Variants in LIMS2 observed in about 807,000 individuals in gnomAD.
The protein encoded by LIMS2 is LIM zinc finger domain containing 2.
In LIMS2, 30 loss-of-function variants were observed where a neutral mutation model predicts 45.3. The observed-to-expected ratio is 0.66, with a 90% CI of 0.50 to 0.90. The LOEUF is 0.90. LIMS2 is among the 40% of genes least tolerant of loss of function. LIMS2 has a pLI of 0.00. For missense variants in LIMS2, 485 were observed against 468.7 expected (o/e 1.03, Z -0.32); for synonymous variants, 173 against 188.0 (o/e 0.92, Z 0.65).
intron 1 of LIMS2, among the ~76,000 whole-genome samples, chr2:127,666,831 T>C (rs1292423404): frequency 1.3e-5 from 2 of 152,102 alleles, no homozygotes; most frequent in African/African-American, 2.4e-5. Flanking sequence ...GAGCCCCTTA[T>C]AAAACCAGCA....
chr2:127,649,021 A>AAG, intron 4 of LIMS2, among the ~76,000 whole-genome samples: 1 of 67,364 alleles, frequency 1.5e-5, no homozygotes, highest in East Asian at 3.5e-4. Flanking sequence ...GGAGGGAGGG[A>AAG]GGAAAGAAAG....
At position 127,675,097 on chromosome 2, in the gene LIMS2, G is replaced by T; in HGVS notation, c.-73C>A. The T allele has an allele frequency of 3.3e-6, 4 of 1,215,580 alleles. No individual in the cohort carries two copies. The highest frequency in any genetic ancestry group is 3.1e-6 in the Non-Finnish European group (3 of 973,566). 75.3% of individuals were successfully genotyped at this position (1,215,580 alleles called of 1,614,324 possible). On this transcript the variant is annotated 5_prime_UTR_variant, in exon 1 of 10. Transcript: ENST00000355119. ...CCCTCTGCTGCTGCAGCCGCCAGCC[G>T]AGCGCCCGCCCGCCAGCCCGGGCCG...
At chr2:127,650,315 G>A (rs183188404) in intron 4 of LIMS2, 54 of 565,096 alleles carry the variant, frequency 9.6e-5, no homozygotes, top group African/African-American at 3.6e-4. Context: ...CACTGCCCCC[G>A]CCCCTCACCA....
chr2:127,660,915 G>A (rs372189364), intron 1 of LIMS2, among the ~76,000 whole-genome samples: 1 of 136,200 alleles, frequency 7.3e-6, no homozygotes, highest in Non-Finnish European at 1.6e-5. Flanking sequence ...ACAAAGCGTG[G>A]CATAGGTGGG....
At chr2:127,656,948 G>A (rs1359625848) in intron 2 of LIMS2, among the ~76,000 whole-genome samples, 1 of 152,188 alleles carries the variant, frequency 6.6e-6, no homozygotes, top group African/African-American at 2.4e-5. Context: ...CACAGGGTAT[G>A]TGCATATGCG....
In LIMS2 at chr2:127,664,284, C is replaced by A. The variant is rs975593694; in HGVS notation, c.12-6722G>T. 8 of 1,233,736 alleles carry A rather than the reference C, an allele frequency of 6.5e-6. No individual in the cohort carries two copies. In the South Asian group the frequency reaches 1.8e-4, roughly 28 times the overall value. The allele number at this position is 1,233,736 out of a possible 1,614,324, so 76.4% of individuals were successfully genotyped here. A position where few individuals can be genotyped will look rare whatever the true frequency, so the allele number is the denominator to read the frequency against. The stretch of plus-strand genomic sequence containing the variant: ...CTTTCCGGCCATTGTCCCCGCCACC[C>A]GCCCCGCCCCTGGCCACCTACCCCG... On this transcript the variant is annotated intron_variant, in intron 1 of 9. Transcript: ENST00000355119. The surrounding 1 kb of genome is among the most constrained non-coding windows in gnomAD (Gnocchi z 5.5).
In LIMS2 at chr2:127,667,094, A is replaced by T. The variant is rs970445818; in HGVS notation, c.11+7920T>A. 6.6e-6 allele frequency among the ~76,000 whole-genome samples: 1 copy of T among 152,238 alleles called. No homozygotes were observed. The highest frequency in any genetic ancestry group is 2.4e-5 in the African/African-American group (1 of 41,462). Reference sequence around the variant, plus strand: ...CGACATGGCTTCACTGATGAATTATATCAAAGGTTTAACTAGAATTAACAC... The same window carrying T: ...CGACATGGCTTCACTGATGAATTATTTCAAAGGTTTAACTAGAATTAACAC... On this transcript the variant is annotated intron_variant, in intron 1 of 9. Coordinates refer to ENST00000355119, the MANE Select transcript of LIMS2 (RefSeq NM_001161403.3). The surrounding 1 kb of genome is among the most constrained non-coding windows in gnomAD (Gnocchi z 4.1).
At chr2:127,665,945 A>C (rs1684977653) in intron 1 of LIMS2, among the ~76,000 whole-genome samples, 1 of 152,238 alleles carries the variant, frequency 6.6e-6, no homozygotes, top group Non-Finnish European at 1.5e-5. Flanking sequence ...ACCAAGTACT[A>C]ATCAATTCAA....
intron 2 of LIMS2, among the ~76,000 whole-genome samples, chr2:127,656,881 T>G (rs1684294068): frequency 6.6e-6 from 1 of 152,124 alleles, no homozygotes; most frequent in African/African-American, 2.4e-5. Flanking sequence ...TCTCATGCCC[T>G]CGGCTTCCAT....
At chr2:127,658,187 G>A (rs11895474) in intron 1 of LIMS2, among the ~76,000 whole-genome samples, 130 of 152,298 alleles carry the variant, frequency 8.5e-4, no homozygotes, top group African/African-American at 3.0e-3. Flanking sequence ...CCAGGAGTTC[G>A]AGACCAGCCT....
At chr2:127,674,968 C>T in intron 1 of LIMS2, 46 bp downstream of exon 1, 1 of 1,227,724 alleles carries the variant, frequency 8.1e-7, no homozygotes, top group Non-Finnish European at 1.0e-6. Context: ...CCAGGGGTCC[C>T]GCAGTCCCGC....
intron 7 of LIMS2, 63 bp from the exon 8 acceptor site, chr2:127,640,381 T>C (rs1682288516): frequency 6.4e-7 from 1 of 1,559,170 alleles, no homozygotes; most frequent in Non-Finnish European, 8.8e-7. Context: ...AGGGCCATCA[T>C]GCAGCCAGCC....
chr2:127,674,554 T>A, intron 1 of LIMS2: 1 of 887,980 alleles, frequency 1.1e-6, no homozygotes, highest in Non-Finnish European at 1.4e-6. Context: ...CCCTTCAACA[T>A]TTTTAACATT....
At chr2:127,679,890 G>A (rs529123579), upstream of LIMS2, among the ~76,000 whole-genome samples, 13 of 152,284 alleles carry the variant, frequency 8.5e-5, no homozygotes, top group African/African-American at 3.1e-4. The surrounding 1 kb of genome is among the most constrained non-coding windows in gnomAD (Gnocchi z 5.3). Flanking sequence ...CCCAGGTCCT[G>A]GGGCAGGAGC....
chr2:127,672,680 C>T lies in LIMS2; in HGVS notation c.11+2334G>A, dbSNP rs532708854. Reference sequence around the variant, plus strand: ...TAGTGGCTGCCTTCTGTCTCCTTCCCCATCTCCTTCCCAGCAGCCCTTTCT... The same window carrying T: ...TAGTGGCTGCCTTCTGTCTCCTTCCTCATCTCCTTCCCAGCAGCCCTTTCT... On this transcript the variant is annotated intron_variant, in intron 1 of 9. Coordinates refer to ENST00000355119, the MANE Select transcript of LIMS2 (RefSeq NM_001161403.3). This position sits in a 1 kb window ranked among gnomAD's most constrained non-coding sequence, Gnocchi z 4.9. Among the ~76,000 whole-genome samples the T allele has an allele frequency of 2.3e-3, 357 of 152,336 alleles. 1 individual carries two copies. Among genetic ancestry groups the T allele is most frequent in the African/African-American group, 8.3e-3 (343 of 41,572 alleles).
At chr2:127,639,944 G>T (rs958695829) in intron 9 of LIMS2, 126 bp downstream of exon 9, 3 of 1,011,934 alleles carry the variant, frequency 3.0e-6, no homozygotes, top group Non-Finnish European at 4.6e-6. Flanking sequence ...TATAAGGCCG[G>T]GCTGCCCCTT....
chr2:127,676,097 C>A (rs561046807), upstream of LIMS2, among the ~76,000 whole-genome samples: 41 of 152,280 alleles, frequency 2.7e-4, no homozygotes, highest in African/African-American at 5.3e-4. Context: ...AAACAAAAAA[C>A]CCCCGCCCTG....
chr2:127,673,871 G>A (rs1430541228), intron 1 of LIMS2: 1 of 769,398 alleles, frequency 1.3e-6, no homozygotes, highest in African/African-American at 1.7e-5. Flanking sequence ...CACTCTCCGG[G>A]GGATGAGTCC....
rs1181535937 is a variant in LIMS2 at position 127,653,974 on chromosome 2, C to A, written c.359+450G>T. Among the ~76,000 whole-genome samples, 1 of 151,960 alleles carries A rather than the reference C, an allele frequency of 6.6e-6. No homozygotes were observed. Among genetic ancestry groups the A allele is most frequent in the East Asian group, 1.9e-4 (1 of 5,168 alleles). On this transcript the variant is annotated intron_variant, in intron 4 of 9. Coordinates refer to ENST00000355119, the MANE Select transcript of LIMS2 (RefSeq NM_001161403.3). This position sits in a 1 kb window ranked among gnomAD's most constrained non-coding sequence, Gnocchi z 5.3. ...CCAGGGGAGGTGGGAGACAAGGCCA[C>A]CTGCTATAGGGACAGTGCTTGGGAA... is the stretch of plus-strand genomic sequence containing the variant.
Sources: allele counts gnomAD v4.1 joint callset (sites outside exome capture counted in the v4.1 genomes callset), GRCh38; gene constraint gnomAD v4.1.1; non-coding constraint Gnocchi (gnomAD v3.1); transcripts MANE v1.5; gene names NCBI Gene and HGNC (gene_info 2026-07-23, HGNC 2026-07-21).